Variants in CYLD observed in about 807,000 individuals in gnomAD.
CYLD encodes ubiquitin carboxyl-terminal hydrolase CYLD.
In CYLD, 26 loss-of-function variants were observed where a neutral mutation model predicts 104.5. That is an observed-to-expected ratio of 0.25 (90% CI 0.18 to 0.35). The LOEUF (loss-of-function observed/expected upper bound fraction) is 0.35. CYLD is among the 10% of genes least tolerant of loss of function. The pLI is 1.00. For synonymous variants in CYLD, 385 were observed against 399.9 expected (o/e 0.96, Z 0.45); for missense variants, 703 against 1,136.1 (o/e 0.62, Z 5.48).
chr16:50,768,124 A>T (rs1427725692), intron 5 of CYLD, among the ~76,000 whole-genome samples: 2 of 151,174 alleles, frequency 1.3e-5, no homozygotes, highest in Non-Finnish European at 2.9e-5. Flanking sequence ...AAAGAATGAT[A>T]TTTTTTTTTC....
intron 2 of CYLD, among the ~76,000 whole-genome samples, chr16:50,744,190 T>G (rs1230656681): frequency 6.6e-6 from 1 of 152,006 alleles, no homozygotes. Context: ...AGGCTCTTCT[T>G]TTCTTTTTTT....
intron 5 of CYLD, among the ~76,000 whole-genome samples, chr16:50,757,132 CAGT>C (rs1334884645): frequency 6.6e-6 from 1 of 151,696 alleles, no homozygotes; most frequent in South Asian, 2.1e-4. Context: ...TTCAGGTCCT[CAGT>C]TTCTTTTGTT....
At chr16:50,795,942 A>T (rs2160683) in intron 18 of CYLD, among the ~76,000 whole-genome samples, 54,717 of 151,860 alleles carry the variant, frequency 0.36, 10,426 homozygotes, top group Admixed American at 0.42. Flanking sequence ...GACTAGATCT[A>T]TTCCAAATTG....
rs371569379 is a variant in CYLD, at chr16:50,800,463, A to G, written c.*3955A>G. 9.4e-5 allele frequency: 22 copies of G among 233,270 alleles called. No homozygotes were observed. The highest frequency in any genetic ancestry group is 5.6e-4 in the Admixed American group (10 of 17,798). 14.5% of individuals were successfully genotyped at this position (233,270 alleles called of 1,614,324 possible). A position where few individuals can be genotyped will look rare whatever the true frequency, so the allele number is the denominator to read the frequency against. The stretch of plus-strand genomic sequence containing the variant: ...ACATACTAATTTGTGTAAGAAATGC[A>G]TTTTAGTCTGTGTACCTCAACCTGC... On this transcript the variant is annotated 3_prime_UTR_variant, in exon 19 of 19. Coordinates refer to ENST00000427738, the MANE Select transcript of CYLD (RefSeq NM_001378743.1).
chr16:50,784,393 G>T lies in CYLD; in HGVS notation c.1891G>T (p.Glu631Ter), dbSNP rs1340663967. Residue 631 changes from glutamate to a stop codon, truncating the protein, a stop_gained, in exon 12 of 19, where the codon GAA (glutamate) becomes TAA (stop). Coordinates refer to ENST00000427738, the MANE Select transcript of CYLD (RefSeq NM_001378743.1). LOFTEE classifies it high-confidence loss of function. ...LLRPKEKNDV[E>*]YYSETQELLR... ...TAGACCCAAAGAAAAGAACGATGTA[G>T]AATATTATAGTGAAACCCAAGAGCT... The T allele has an allele frequency of 6.2e-7, 1 of 1,613,300 alleles. No homozygotes were observed. Among genetic ancestry groups the T allele is most frequent in the African/African-American group, 1.3e-5 (1 of 74,912 alleles).
At chr16:50,791,418 C>G (rs866116939) in intron 14 of CYLD, 140 bp from the exon 15 acceptor site, 1 of 769,118 alleles carries the variant, frequency 1.3e-6, no homozygotes, top group Non-Finnish European at 2.1e-6. Flanking sequence ...ATTTATTTCT[C>G]TCTGTTGTTC....
At chr16:50,771,127 T>C (rs1163205981) in intron 5 of CYLD, among the ~76,000 whole-genome samples, 1 of 152,182 alleles carries the variant, frequency 6.6e-6, no homozygotes, top group Admixed American at 6.5e-5. Flanking sequence ...TTCCAGAACA[T>C]TTTCATGGGA....
chr16:50,756,645 CAG>C (rs1967278477), intron 5 of CYLD, among the ~76,000 whole-genome samples: 1 of 152,136 alleles, frequency 6.6e-6, no homozygotes, highest in African/African-American at 2.4e-5. Context: ...CAGTGGCAGT[CAG>C]AGATGGTGAT....
chr16:50,774,713 A>G (rs1348888719), intron 5 of CYLD, among the ~76,000 whole-genome samples: 1 of 152,196 alleles, frequency 6.6e-6, no homozygotes, highest in Non-Finnish European at 1.5e-5. Context: ...ATTTCGTTAT[A>G]ATACTCAAAA....
intron 18 of CYLD, chr16:50,795,566 C>A (rs1971949187): frequency 1.4e-6 from 1 of 702,824 alleles, no homozygotes; most frequent in African/African-American, 1.7e-5. Flanking sequence ...TCAGATCCAG[C>A]CCCCACGGCC....
intron 5 of CYLD, among the ~76,000 whole-genome samples, chr16:50,755,390 C>T (rs1047016846): frequency 6.6e-6 from 1 of 152,070 alleles, no homozygotes; most frequent in African/African-American, 2.4e-5. Flanking sequence ...CTTGGGTAGA[C>T]TCCTAGTAGT....
chr16:50,766,707 C>T (rs964680319), intron 5 of CYLD, among the ~76,000 whole-genome samples: 9 of 152,090 alleles, frequency 5.9e-5, no homozygotes, highest in Non-Finnish European at 1.3e-4. Context: ...TGATTCCAAC[C>T]CTCATGGATG....
Position 50,749,786 on chromosome 16 carries a change from G to A in CYLD, c.88G>A (p.Val30Ile), listed in dbSNP as rs912795080. Reference protein sequence around the residue: ...IFYLLLQECSVTDKQTQKLLK... With the variant: ...IFYLLLQECSITDKQTQKLLK... ...TTACTTGCTTCTTCAAGAATGCAGC[G>A]TTACAGACAAACAAACACAAAAGCT... is the stretch of plus-strand genomic sequence containing the variant. The change falls in exon 3 of 19, where the codon GTT becomes ATT. Residue 30 changes from valine (V) to isoleucine (I), a missense_variant. By Grantham distance (29) the Val-to-Ile change is conservative. Around this residue, in one of 5 missense-constraint regions of CYLD, gnomAD observed 142 missense variants for 165.1 expected, o/e 0.86. Transcript: ENST00000427738. 2.3e-5 allele frequency: 37 copies of A among 1,613,776 alleles called. No individual in the cohort carries two copies. Among genetic ancestry groups the A allele is most frequent in the African/African-American group, 4.0e-5 (3 of 74,850 alleles).
chr16:50,780,934 T>C (rs2150994888), intron 9 of CYLD, among the ~76,000 whole-genome samples: 1 of 152,272 alleles, frequency 6.6e-6, no homozygotes, highest in Non-Finnish European at 1.5e-5. Flanking sequence ...GCCTTCTCCT[T>C]CCCTGCCTGT....
chr16:50,763,823 TAAAG>T (rs1258022243), intron 5 of CYLD, among the ~76,000 whole-genome samples: 1 of 152,212 alleles, frequency 6.6e-6, no homozygotes, highest in South Asian at 2.1e-4. Context: ...TTTCTGATCT[TAAAG>T]AAAATGCTTT....
chr16:50,747,788 A>G (rs1257353160), intron 2 of CYLD, among the ~76,000 whole-genome samples: 1 of 152,180 alleles, frequency 6.6e-6, no homozygotes, highest in East Asian at 1.9e-4. Flanking sequence ...AACACACCAC[A>G]AAAAAGAAGA....
At chr16:50,782,935 T>G (rs1970390650) in intron 11 of CYLD, among the ~76,000 whole-genome samples, 1 of 143,954 alleles carries the variant, frequency 6.9e-6, no homozygotes, top group Non-Finnish European at 1.5e-5. Context: ...TTTTTTTTTT[T>G]TTTTTTTGAG....
chr16:50,755,008 T>C (rs999519066), intron 5 of CYLD, among the ~76,000 whole-genome samples: 239 of 11,916 alleles, frequency 0.02, 4 homozygotes, highest in Middle Eastern at 0.071. Flanking sequence ...TATATATACA[T>C]ATATATGTAT....
At chr16:50,754,503 G>A (rs1291214678) in intron 5 of CYLD, 79 bp downstream of exon 5, 9 of 944,114 alleles carry the variant, frequency 9.5e-6, no homozygotes, top group Non-Finnish European at 1.5e-5. Flanking sequence ...AATATGTTTT[G>A]GGGGAACAGG....
Sources: allele counts gnomAD v4.1 joint callset (sites outside exome capture counted in the v4.1 genomes callset), GRCh38; gene constraint gnomAD v4.1.1; regional missense constraint gnomAD v4.1.1; transcripts MANE v1.5; gene names NCBI Gene and HGNC (gene_info 2026-07-23, HGNC 2026-07-21).